ZDHHC5: variants seen among roughly 807,000 people sequenced by gnomAD.
ZDHHC5 encodes the protein zDHHC palmitoyltransferase 5.
In ZDHHC5, 22 loss-of-function variants were observed where a neutral mutation model predicts 70.0. The ratio of observed to expected loss-of-function variants is 0.31; its 90% CI spans 0.22 to 0.45. The LOEUF is 0.45. Among genes scored for constraint, ZDHHC5 ranks in the 20% least tolerant of loss-of-function variants. ZDHHC5 has a pLI of 1.00. For missense variants in ZDHHC5, 746 were observed against 926.9 expected (o/e 0.80, Z 2.53); for synonymous variants, 313 against 347.8 (o/e 0.90, Z 1.11).
At chr11:57,671,680 C>T (rs767571647) in intron 1 of ZDHHC5, among the ~76,000 whole-genome samples, 1 of 152,206 alleles carries the variant, frequency 6.6e-6, no homozygotes, top group Non-Finnish European at 1.5e-5. Context: ...TGTTCTAGGA[C>T]TGCCCTTCAC....
chr11:57,674,375 G>C (rs1420645430), intron 2 of ZDHHC5, among the ~76,000 whole-genome samples: 2 of 144,380 alleles, frequency 1.4e-5, no homozygotes, highest in African/African-American at 2.6e-5. Flanking sequence ...GCTGTTACCT[G>C]TTTATAAATT....
rs776010427 is a variant in ZDHHC5 at position 57,695,874 on chromosome 11, AATG to A, written c.886-45_886-43del. 3 of 1,598,876 alleles carry A rather than the reference AATG, an allele frequency of 1.9e-6. No individual in the cohort carries two copies. The East Asian group carries it at 6.7e-5, about 36-fold the overall frequency. ...TCAATTTAATACTTTGAGTTGCCATAATGCTCAATTTCTAAATCTGATTTTCCC... is the reference window on the plus strand; with the variant it reads ...TCAATTTAATACTTTGAGTTGCCATACTCAATTTCTAAATCTGATTTTCCC... On this transcript the variant is annotated intron_variant, in intron 8 of 11. Transcript: ENST00000287169.
chr11:57,688,386 A>T, intron 3 of ZDHHC5, 122 bp from the exon 4 acceptor site: 1 of 1,154,180 alleles, frequency 8.7e-7, no homozygotes, highest in Admixed American at 3.9e-5. Flanking sequence ...CCTAGTTCCT[A>T]GTCTCACTCA....
Position 57,673,223 on chromosome 11 carries a change from G to A in ZDHHC5, c.104+29G>A, listed in dbSNP as rs372241951. 4.5e-5 allele frequency: 72 copies of A among 1,607,656 alleles called. No homozygotes were observed. In the African/African-American group the frequency reaches 8.0e-4, roughly 18 times the overall value. ...AGTTTTCTCCCAGCAGGGGTGTTTG[G>A]GTGGGTGGATACTCCATGGGAAGTG... On this transcript the variant is annotated intron_variant, in intron 2 of 11. Transcript: ENST00000287169.
chr11:57,694,552 G>A (rs1192599780), intron 8 of ZDHHC5, among the ~76,000 whole-genome samples: 1 of 152,058 alleles, frequency 6.6e-6, no homozygotes, highest in Non-Finnish European at 1.5e-5. Context: ...AGTAGAGGCA[G>A]GGTTTTCCTA....
chr11:57,698,570 G>A lies in ZDHHC5; in HGVS notation c.1134G>A (p.Gly378=). ...PHSSSAKLSR[G]DSLKEPTSIA... is the part of the protein sequence containing the mutation. Reference sequence around the variant, plus strand: ...ACTTTCTTCCTCAGTTGAGTCGTGGGGACAGCTTGAAGGAGCCAACCTCAA... The same window carrying A: ...ACTTTCTTCCTCAGTTGAGTCGTGGAGACAGCTTGAAGGAGCCAACCTCAA... Residue 378 remains glycine, a synonymous_variant, in exon 11 of 12, where the codon GGG becomes GGA. Coordinates refer to ENST00000287169, the MANE Select transcript of ZDHHC5 (RefSeq NM_015457.3). The A allele has an allele frequency of 1.2e-6, 2 of 1,606,416 alleles. No homozygotes were observed. The highest frequency in any genetic ancestry group is 1.7e-6 in the Non-Finnish European group (2 of 1,176,238).
At chr11:57,699,463 C>T (rs1285544667) in intron 11 of ZDHHC5, 45 bp downstream of exon 11, 3 of 1,515,904 alleles carry the variant, frequency 2.0e-6, no homozygotes, top group Non-Finnish European at 2.6e-6. Flanking sequence ...TTCAAATTAG[C>T]ATACTGCTCT....
At chr11:57,687,404 CTA>C (rs967232379) in intron 3 of ZDHHC5, among the ~76,000 whole-genome samples, 1 of 151,954 alleles carries the variant, frequency 6.6e-6, no homozygotes, top group African/African-American at 2.4e-5. Context: ...AACCCCGTCT[CTA>C]TTAAAAATAC....
At chr11:57,682,652 GA>G (rs1395387248) in intron 3 of ZDHHC5, 109 bp downstream of exon 3, 10 of 1,349,656 alleles carry the variant, frequency 7.4e-6, no homozygotes, top group Non-Finnish European at 9.8e-6. Context: ...TTTGGGATAT[GA>G]AAAATAATGA....
At chr11:57,668,436 GCGGTCCC>G (rs1945953414) in intron 1 of ZDHHC5, 1 of 153,760 alleles carries the variant, frequency 6.5e-6, no homozygotes, top group African/African-American at 2.4e-5. Context: ...GCTCGAGACC[GCGGTCCC>G]CGGTGCCTGG....
chr11:57,676,709 G>A (rs1407700462), intron 2 of ZDHHC5, among the ~76,000 whole-genome samples: 2 of 151,562 alleles, frequency 1.3e-5, no homozygotes, highest in Non-Finnish European at 2.9e-5. Context: ...CTGGCATATA[G>A]AGGCCCAGCC....
At chr11:57,673,943 CTG>C (rs1434630864) in intron 2 of ZDHHC5, among the ~76,000 whole-genome samples, 1 of 152,146 alleles carries the variant, frequency 6.6e-6, no homozygotes, top group East Asian at 1.9e-4. Context: ...ATTGTGGAAA[CTG>C]AGAGTATTGG....
chr11:57,698,770 C>A lies in ZDHHC5; in HGVS notation c.1334C>A (p.Ser445Tyr). The A allele has an allele frequency of 6.2e-7, 1 of 1,614,232 alleles. No homozygotes were observed. Among genetic ancestry groups the A allele is most frequent in the Non-Finnish European group, 8.5e-7 (1 of 1,180,040 alleles). Reference protein sequence around the residue: ...GTGFELGQLQSIRSEGTTSTS... With the variant: ...GTGFELGQLQYIRSEGTTSTS... ...GGCTTTGAGCTGGGCCAGTTGCAATCCATTCGTTCAGAGGGCACCACCTCC... is the reference window on the plus strand; with the variant it reads ...GGCTTTGAGCTGGGCCAGTTGCAATACATTCGTTCAGAGGGCACCACCTCC... The change falls in exon 11 of 12, where the codon TCC (serine) becomes TAC (tyrosine). Residue 445 changes from serine (S) to tyrosine (Y), a missense_variant. Transcript: ENST00000287169.
intron 6 of ZDHHC5, among the ~76,000 whole-genome samples, chr11:57,691,278 G>T (rs1337651429): frequency 2.0e-5 from 3 of 152,046 alleles, no homozygotes; most frequent in Non-Finnish European, 4.4e-5. Flanking sequence ...CACCATGTTG[G>T]CCAGGCTGGT....
At chr11:57,682,197 G>C (rs1946157818) in intron 2 of ZDHHC5, among the ~76,000 whole-genome samples, 1 of 152,272 alleles carries the variant, frequency 6.6e-6, no homozygotes, top group Non-Finnish European at 1.5e-5. Flanking sequence ...AACAGGTTAA[G>C]ATGGGAGAGA....
chr11:57,679,319 G>A (rs554308606), intron 2 of ZDHHC5, among the ~76,000 whole-genome samples: 3 of 152,020 alleles, frequency 2.0e-5, no homozygotes, highest in Admixed American at 6.5e-5. Context: ...CCACCACCAC[G>A]CCCGGATAAT....
chr11:57,695,521 C>T (rs186399778), intron 8 of ZDHHC5, among the ~76,000 whole-genome samples: 9 of 152,216 alleles, frequency 5.9e-5, no homozygotes, highest in African/African-American at 1.9e-4. Flanking sequence ...GGCAGTGGCT[C>T]ATGTCTATAA....
chr11:57,679,601 G>A (rs761360821), intron 2 of ZDHHC5, among the ~76,000 whole-genome samples: 80 of 152,146 alleles, frequency 5.3e-4, no homozygotes, highest in Non-Finnish European at 9.0e-4. Context: ...CCACTCCCTA[G>A]GCTTTTAGAG....
chr11:57,698,156 T>C (rs1357506199), intron 10 of ZDHHC5, among the ~76,000 whole-genome samples: 30 of 114,278 alleles, frequency 2.6e-4, no homozygotes, highest in Non-Finnish European at 1.0e-4. Flanking sequence ...CACAAACAAA[T>C]GCCAACTGTT....
Sources: allele counts gnomAD v4.1 joint callset (sites outside exome capture counted in the v4.1 genomes callset), GRCh38; gene constraint gnomAD v4.1.1; transcripts MANE v1.5; gene names NCBI Gene and HGNC (gene_info 2026-07-23, HGNC 2026-07-21).